The following SMAP2 variants were observed in gnomAD, a reference collection of about 807,000 sequenced individuals.
The protein encoded by SMAP2 is small ArfGAP2.
A neutral mutation model predicts 56.4 loss-of-function variants in SMAP2; 25 were observed. That is an observed-to-expected ratio of 0.44 (90% CI 0.32 to 0.62). The LOEUF (loss-of-function observed/expected upper bound fraction) is 0.62, where lower values mean the gene tolerates loss of function less well. Ranked by LOEUF, SMAP2 falls within the 20% of genes least tolerant of loss-of-function variation. SMAP2 has a pLI of 0.04. For synonymous variants in SMAP2, 157 were observed against 181.7 expected, an observed-to-expected ratio of 0.86 and a Z score of 1.09; for missense variants, 388 against 545.6, an observed-to-expected ratio of 0.71 and a Z score of 2.88.
intron 1 of SMAP2, among the ~76,000 whole-genome samples, chr1:40,387,023 T>C (rs915771885): frequency 3.9e-5 from 6 of 152,110 alleles, no homozygotes; most frequent in African/African-American, 1.4e-4. Flanking sequence ...CAGCTAATTT[T>C]TGTATTTTTA....
intron 1 of SMAP2, among the ~76,000 whole-genome samples, chr1:40,394,149 A>G (rs1199231845): frequency 1.3e-5 from 2 of 151,916 alleles, no homozygotes; most frequent in Non-Finnish European, 2.9e-5. Flanking sequence ...GTTTCTTGGG[A>G]GGACAGTTCT....
chr1:40,413,316 G>C (rs1449706487), intron 5 of SMAP2, among the ~76,000 whole-genome samples: 1 of 152,204 alleles, frequency 6.6e-6, no homozygotes, highest in Non-Finnish European at 1.5e-5. Flanking sequence ...TTTGGGGCCA[G>C]ATGAGAACTC....
intron 1 of SMAP2, among the ~76,000 whole-genome samples, chr1:40,349,530 T>C (rs1284298021): frequency 1.3e-5 from 2 of 152,198 alleles, no homozygotes; most frequent in African/African-American, 4.8e-5. Flanking sequence ...TTCTTTCTTT[T>C]TTCTTTTTTG....
intron 1 of SMAP2, among the ~76,000 whole-genome samples, chr1:40,379,291 C>T (rs552103576): frequency 8.5e-5 from 13 of 152,154 alleles, no homozygotes; most frequent in East Asian, 1.9e-4. Context: ...CAATTTCTTA[C>T]GTGACTTTTA....
At chr1:40,350,920 G>A (rs1402507100) in intron 1 of SMAP2, among the ~76,000 whole-genome samples, 1 of 152,104 alleles carries the variant, frequency 6.6e-6, no homozygotes, top group Non-Finnish European at 1.5e-5. Flanking sequence ...ATACTATTCT[G>A]CCCCATTCTG....
At chr1:40,345,994 TAA>T (rs1458341943) in intron 1 of SMAP2, among the ~76,000 whole-genome samples, 1 of 139,824 alleles carries the variant, frequency 7.2e-6, no homozygotes, top group Non-Finnish European at 1.5e-5. Flanking sequence ...TTTTTTTTTT[TAA>T]GAGACAGGTC....
At position 40,387,910 on chromosome 1, in the gene SMAP2, C is replaced by T. The variant is rs921862545; in HGVS notation, c.103+13687C>T. On this transcript the variant is annotated intron_variant, in intron 1 of 9. Transcript: ENST00000372718. ...CGCACTTGTGGGCCAGCTGGAGTTC[C>T]GGGTGGGCATGGGCTTGGCGGGCCC... Among the ~76,000 whole-genome samples, 20 of 150,288 alleles carry T rather than the reference C, an allele frequency of 1.3e-4. No individual in the cohort carries two copies. In the East Asian group the frequency reaches 3.7e-3, roughly 28 times the overall value.
chr1:40,358,897 G>A (rs754224421), intron 1 of SMAP2, among the ~76,000 whole-genome samples: 1 of 152,014 alleles, frequency 6.6e-6, no homozygotes, highest in African/African-American at 2.4e-5. Flanking sequence ...ATATATTTGG[G>A]TGCTCCAGTG....
intron 2 of SMAP2, among the ~76,000 whole-genome samples, chr1:40,364,064 A>G (rs541164813): frequency 1.3e-5 from 2 of 152,348 alleles, no homozygotes; most frequent in South Asian, 4.1e-4. Context: ...TGGTATAGGT[A>G]AAGTGACTGG....
At chr1:40,384,695 T>C (rs1644636419) in intron 1 of SMAP2, among the ~76,000 whole-genome samples, 1 of 152,348 alleles carries the variant, frequency 6.6e-6, no homozygotes, top group Middle Eastern at 3.4e-3. Context: ...TTACCAACTG[T>C]AACAATTGCA....
chr1:40,358,741 G>A (rs1217577900), intron 1 of SMAP2, among the ~76,000 whole-genome samples: 9 of 152,148 alleles, frequency 5.9e-5, no homozygotes, highest in African/African-American at 1.7e-4. Context: ...AGGTTCATTC[G>A]ATTTTTAGTG....
intron 2 of SMAP2, among the ~76,000 whole-genome samples, chr1:40,364,311 C>T (rs1442932767): frequency 6.6e-6 from 1 of 152,070 alleles, no homozygotes; most frequent in East Asian, 1.9e-4. Flanking sequence ...AAAAAGAGGG[C>T]AAGCAAGGTG....
In SMAP2 at chr1:40,422,389, G is replaced by T; in HGVS notation, c.*288G>T. On this transcript the variant is annotated 3_prime_UTR_variant, in exon 10 of 10. Coordinates refer to ENST00000372718, the MANE Select transcript of SMAP2 (RefSeq NM_022733.3). ...AGAAGGCACTTAAACTGTGGGAGAA[G>T]TGTGCACACCTTTGAGTCCCTTCCC... 2.6e-6 allele frequency: 1 copy of T among 381,528 alleles called. No individual in the cohort carries two copies. Among genetic ancestry groups the T allele is most frequent in the Non-Finnish European group, 5.0e-6 (1 of 199,074 alleles). 23.6% of individuals were successfully genotyped at this position (381,528 alleles called of 1,614,324 possible).
chr1:40,403,128 G>A lies in SMAP2; in HGVS notation c.104-3608G>A, dbSNP rs574860105. ...TGTTGCCTAGAAGACTTTGAAATTG[G>A]GTCTAGGGTAAATTTCTTCTCTCTG... On this transcript the variant is annotated intron_variant, in intron 1 of 9. Transcript: ENST00000372718. Among the ~76,000 whole-genome samples the A allele has an allele frequency of 2.0e-5, 3 of 152,256 alleles. No individual in the cohort carries two copies. In the South Asian group the frequency reaches 6.2e-4, roughly 32 times the overall value.
At chr1:40,372,306 C>T (rs750211691), upstream of SMAP2, among the ~76,000 whole-genome samples, 3 of 151,978 alleles carry the variant, frequency 2.0e-5, no homozygotes, top group Non-Finnish European at 4.4e-5. Context: ...GACAGGGTAA[C>T]GGGGTACATT....
At chr1:40,402,942 G>A (rs1204653981) in intron 1 of SMAP2, among the ~76,000 whole-genome samples, 1 of 152,182 alleles carries the variant, frequency 6.6e-6, no homozygotes, top group African/African-American at 2.4e-5. Flanking sequence ...CACTTAGGTT[G>A]ACAGCCTTGG....
chr1:40,389,191 C>T (rs184781244), intron 1 of SMAP2, among the ~76,000 whole-genome samples: 61 of 152,336 alleles, frequency 4.0e-4, no homozygotes, highest in African/African-American at 1.4e-3. Flanking sequence ...TACCCTTGCG[C>T]CATTGACTAG....
chr1:40,386,269 A>G lies in SMAP2; in HGVS notation c.103+12046A>G, dbSNP rs140083928. The stretch of plus-strand genomic sequence containing the variant: ...CAGGCTCTTCTGCTATGTTGAAATC[A>G]TTTTTACTGAAAGATTAGCTGTTTG... On this transcript the variant is annotated intron_variant, in intron 1 of 9. Coordinates refer to ENST00000372718, the MANE Select transcript of SMAP2 (RefSeq NM_022733.3). This position sits in a 1 kb window ranked among gnomAD's most constrained non-coding sequence, Gnocchi z 4.1. Among the ~76,000 whole-genome samples the G allele has an allele frequency of 1.6e-3, 250 of 152,288 alleles. No individual in the cohort carries two copies. Among genetic ancestry groups the G allele is most frequent in the African/African-American group, 5.8e-3 (240 of 41,556 alleles).
At chr1:40,421,535 C>G (rs143393086) in intron 9 of SMAP2, among the ~76,000 whole-genome samples, 228 of 152,230 alleles carry the variant, frequency 1.5e-3, no homozygotes, top group African/African-American at 5.0e-3. Context: ...ACGAGCAAGC[C>G]TGCTCAAGCG....
Sources: allele counts gnomAD v4.1 joint callset (sites outside exome capture counted in the v4.1 genomes callset), GRCh38; gene constraint gnomAD v4.1.1; non-coding constraint Gnocchi (gnomAD v3.1); transcripts MANE v1.5; gene names NCBI Gene and HGNC (gene_info 2026-07-23, HGNC 2026-07-21).